The following TATDN2 variants were observed in gnomAD, a reference collection of about 807,000 sequenced individuals.
The protein encoded by TATDN2 is TatD DNase domain containing 2.
In TATDN2, 44 loss-of-function variants were observed where a neutral mutation model predicts 60.3. That is an observed-to-expected ratio of 0.73 (90% confidence interval 0.57 to 0.94). The LOEUF is 0.94. Among genes scored for constraint, TATDN2 ranks in the 40% least tolerant of loss-of-function variants. The pLI is 0.00. For missense variants in TATDN2, 997 were observed against 948.0 expected (o/e 1.05, Z -0.68); for synonymous variants, 399 against 355.8 (o/e 1.12, Z -1.37).
At chr3:10,276,057 G>A (rs956980625) in intron 4 of TATDN2, among the ~76,000 whole-genome samples, 5 of 152,218 alleles carry the variant, frequency 3.3e-5, no homozygotes, top group African/African-American at 1.2e-4. Context: ...TGGAATGCCA[G>A]GGTTCAAGTT....
intron 2 of TATDN2, among the ~76,000 whole-genome samples, chr3:10,252,836 G>A (rs1233366586): frequency 2.0e-5 from 3 of 148,962 alleles, no homozygotes; most frequent in African/African-American, 5.0e-5. Flanking sequence ...ACTCAGGCGT[G>A]TGCCAACCTG....
At chr3:10,250,743 A>C (rs1419946632) in intron 2 of TATDN2, among the ~76,000 whole-genome samples, 6 of 152,172 alleles carry the variant, frequency 3.9e-5, no homozygotes, top group Admixed American at 1.3e-4. Flanking sequence ...AATAACAGTG[A>C]GTTGAAAAGC....
intron 2 of TATDN2, among the ~76,000 whole-genome samples, chr3:10,259,494 G>A (rs983262006): frequency 1.3e-5 from 2 of 152,232 alleles, no homozygotes; most frequent in African/African-American, 4.8e-5. Flanking sequence ...GTCCTGGAGT[G>A]AGTGGGTGCA....
At chr3:10,271,154 C>T (rs1225950073) in intron 4 of TATDN2, 139 bp downstream of exon 4, 2 of 1,038,490 alleles carry the variant, frequency 1.9e-6, no homozygotes, top group Non-Finnish European at 2.7e-6. Context: ...CTCATCCAGA[C>T]CATCTAGATG....
chr3:10,278,317 T>C lies in TATDN2; in HGVS notation c.2000T>C (p.Leu667Pro), dbSNP rs1330046710. ...FTGSYPVIEP[L>P]LKYFPNMSVG... Reference sequence around the variant, plus strand: ...GGCAGCTACCCGGTCATTGAGCCCCTGCTGAAGTACTTTCCCAACATGTCT... The same window carrying C: ...GGCAGCTACCCGGTCATTGAGCCCCCGCTGAAGTACTTTCCCAACATGTCT... The change falls in exon 6 of 8, where the codon CTG (leucine) becomes CCG (proline). Residue 667 changes from leucine to proline, a missense_variant. Physicochemically the swap from Leu to Pro is moderately conservative, Grantham distance 98. Transcript: ENST00000448281. The surrounding 1 kb of genome is among the most constrained non-coding windows in gnomAD (Gnocchi z 4.7). 3 of 1,614,194 alleles carry C rather than the reference T, an allele frequency of 1.9e-6. No individual in the cohort carries two copies. The highest frequency in any genetic ancestry group is 2.5e-6 in the Non-Finnish European group (3 of 1,180,030).
chr3:10,271,797 ACCTCCGCCTCCG>A (rs143132221), intron 4 of TATDN2, among the ~76,000 whole-genome samples: 25,612 of 148,828 alleles, frequency 0.17, 2,795 homozygotes, highest in Non-Finnish European at 0.25. Flanking sequence ...TGCGGCCTCC[ACCTCCGCCTCCG>A]CCTCCGCCTC....
chr3:10,279,118 AT>A, intron 7 of TATDN2, 55 bp downstream of exon 7: 2 of 1,482,764 alleles, frequency 1.3e-6, no homozygotes, highest in Non-Finnish European at 1.8e-6. Flanking sequence ...CTTTTGTTGC[AT>A]TTTGTTAATG....
intron 2 of TATDN2, among the ~76,000 whole-genome samples, chr3:10,258,276 CTTTGTTTG>C (rs937654216): frequency 3.3e-5 from 5 of 151,256 alleles, no homozygotes; most frequent in Middle Eastern, 3.4e-3. Flanking sequence ...GCACCTAAGC[CTTTGTTTG>C]TTTGTTTGTT....
chr3:10,275,371 G>A (rs1462147024), intron 4 of TATDN2, among the ~76,000 whole-genome samples: 1 of 152,206 alleles, frequency 6.6e-6, no homozygotes, highest in Non-Finnish European at 1.5e-5. Context: ...CAATAGTGAA[G>A]ATTTAAAAGT....
chr3:10,252,708 T>G lies in TATDN2; in HGVS notation c.414+3094T>G, dbSNP rs573920346. ...GCTCTGTAAACTTTTTTTTTTTGTT[T>G]GAGACAGGGTCTTGCTCTGTCACCC... On this transcript the variant is annotated intron_variant, in intron 2 of 7. Coordinates refer to ENST00000448281, the MANE Select transcript of TATDN2 (RefSeq NM_014760.4). Among the ~76,000 whole-genome samples the G allele has an allele frequency of 3.5e-3, 534 of 152,058 alleles. 4 individuals carry two copies. Among genetic ancestry groups the G allele is most frequent in the Middle Eastern group, 0.014 (4 of 294 alleles).
In TATDN2 at chr3:10,270,879, A is replaced by G. The variant is rs1698553126; in HGVS notation, c.1697A>G (p.His566Arg). 6.2e-7 allele frequency: 1 copy of G among 1,614,076 alleles called. No homozygotes were observed. The highest frequency in any genetic ancestry group is 8.5e-7 in the Non-Finnish European group (1 of 1,180,014). ...TGGGGGGCCTTTGGCTGTCACCCTC[A>G]TTTTGCACGTTACTACAGTGAGAGT... is the stretch of plus-strand genomic sequence containing the variant. ...LVWGAFGCHP[H>R]FARYYSESQE... The change falls in exon 4 of 8, where the codon CAT becomes CGT. Residue 566 changes from histidine to arginine, a missense_variant. His to Arg is a conservative substitution (Grantham distance 29). Coordinates refer to ENST00000448281, the MANE Select transcript of TATDN2 (RefSeq NM_014760.4).
chr3:10,277,589 C>A (rs932306893), intron 5 of TATDN2, among the ~76,000 whole-genome samples: 2 of 152,138 alleles, frequency 1.3e-5, no homozygotes, highest in African/African-American at 2.4e-5. Context: ...GCTGTCAGGG[C>A]CTTTGGGTAC....
chr3:10,275,630 C>G (rs1208617933), intron 4 of TATDN2, among the ~76,000 whole-genome samples: 1 of 152,118 alleles, frequency 6.6e-6, no homozygotes, highest in African/African-American at 2.4e-5. Flanking sequence ...CCTGTAATAC[C>G]AGCTACGCGG....
At chr3:10,276,243 C>T in intron 4 of TATDN2, 118 bp from the exon 5 acceptor site, 2 of 1,274,152 alleles carry the variant, frequency 1.6e-6, no homozygotes, top group Admixed American at 2.3e-5. Flanking sequence ...GCTATTATTA[C>T]ATTATATAGT....
intron 3 of TATDN2, among the ~76,000 whole-genome samples, chr3:10,269,021 T>G (rs1698518607): frequency 6.6e-6 from 1 of 152,218 alleles, no homozygotes; most frequent in Admixed American, 6.5e-5. Context: ...ATGTAGTTCC[T>G]TTCAGATTTT....
In TATDN2 at chr3:10,249,187, C is replaced by T. The variant is rs1463878177; in HGVS notation, c.-6-8C>T. On this transcript the variant is annotated splice_polypyrimidine_tract_variant and splice_region_variant and intron_variant, in intron 1 of 7. Transcript: ENST00000448281. The stretch of plus-strand genomic sequence containing the variant: ...GGTGTTGGAATCCAGGCCCCCTGTA[C>T]CTTGCAGGTGCCCATGGCGTCCGAG... 6.6e-7 allele frequency: 1 copy of T among 1,509,534 alleles called. No homozygotes were observed. The highest frequency in any genetic ancestry group is 2.3e-5 in the East Asian group (1 of 42,886). The allele number at this position is 1,509,534 out of a possible 1,614,324, so 93.5% of individuals were successfully genotyped here.
Position 10,270,910 on chromosome 3 carries a change from AAG to A in TATDN2, c.1730_1731del (p.Arg577LysfsTer10), listed in dbSNP as rs773979651. The A allele has an allele frequency of 3.1e-6, 5 of 1,614,190 alleles. No individual in the cohort carries two copies. The highest frequency in any genetic ancestry group is 4.2e-6 in the Non-Finnish European group (5 of 1,180,042). ...CACGTTACTACAGTGAGAGTCAAGA[AAG>A]AAATCTTTTGCAAGCCTTAAGGCAC... is the stretch of plus-strand genomic sequence containing the variant. Reference protein sequence around the residue: ...FARYYSESQERNLLQALRHPK... With the variant: ...FARYYSESQEXNLLQALRHPK... On this transcript the variant is annotated frameshift_variant, in exon 4 of 8. Transcript: ENST00000448281. LOFTEE classifies it high-confidence loss of function.
chr3:10,279,046 G>A lies in TATDN2; in HGVS notation c.*21G>A, dbSNP rs376549000. On this transcript the variant is annotated 3_prime_UTR_variant, in exon 7 of 8. Coordinates refer to ENST00000448281, the MANE Select transcript of TATDN2 (RefSeq NM_014760.4). Reference sequence around the variant, plus strand: ...TTTAAGCAGAGAAGGTACAGTCCTCGGGAGTCTCCTAGAAAAGGTCGTAAA... The same window carrying A: ...TTTAAGCAGAGAAGGTACAGTCCTCAGGAGTCTCCTAGAAAAGGTCGTAAA... 8.7e-6 allele frequency: 14 copies of A among 1,609,656 alleles called. No homozygotes were observed. In the African/African-American group the frequency reaches 9.4e-5, roughly 11 times the overall value.
At chr3:10,265,621 G>C (rs1358167433) in intron 3 of TATDN2, among the ~76,000 whole-genome samples, 1 of 145,676 alleles carries the variant, frequency 6.9e-6, no homozygotes, top group Non-Finnish European at 1.5e-5. Flanking sequence ...GGTGGAGCTT[G>C]CAGTGAGCTG....
Sources: allele counts gnomAD v4.1 joint callset (sites outside exome capture counted in the v4.1 genomes callset), GRCh38; gene constraint gnomAD v4.1.1; non-coding constraint Gnocchi (gnomAD v3.1); transcripts MANE v1.5; gene names NCBI Gene and HGNC (gene_info 2026-07-23, HGNC 2026-07-21).